Variants in CHRM2 observed in about 807,000 individuals in gnomAD.
The protein encoded by CHRM2 is muscarinic acetylcholine receptor M2.
In CHRM2, 8 loss-of-function variants were observed where a neutral mutation model predicts 25.0. The observed-to-expected ratio is 0.32, with a 90% CI of 0.19 to 0.58. The LOEUF is 0.58. Among genes scored for constraint, CHRM2 ranks in the 20% least tolerant of loss-of-function variants. CHRM2 has a pLI of 0.88. For synonymous variants in CHRM2, 202 were observed against 205.7 expected (o/e 0.98, Z 0.15); for missense variants, 440 against 567.1 (o/e 0.78, Z 2.28).
At chr7:136,981,716 T>C (rs1268127730) in intron 2 of CHRM2, among the ~76,000 whole-genome samples, 1 of 152,124 alleles carries the variant, frequency 6.6e-6, no homozygotes, top group Non-Finnish European at 1.5e-5. Context: ...CCCAGTAGTT[T>C]TTCAGGAGTA....
intron 2 of CHRM2, among the ~76,000 whole-genome samples, chr7:136,880,142 G>A (rs929772454): frequency 2.6e-5 from 4 of 151,204 alleles, no homozygotes; most frequent in East Asian, 1.9e-4. Flanking sequence ...TCTCTGGTCC[G>A]GTTTAATTCC....
intron 2 of CHRM2, among the ~76,000 whole-genome samples, chr7:136,912,202 A>T (rs1279107063): frequency 6.6e-6 from 1 of 151,904 alleles, no homozygotes; most frequent in African/African-American, 2.4e-5. Flanking sequence ...TTTGAGCAAG[A>T]TATGCTTAAA....
chr7:136,998,182 G>A (rs1182425438), intron 3 of CHRM2, among the ~76,000 whole-genome samples: 2 of 152,142 alleles, frequency 1.3e-5, no homozygotes, highest in Non-Finnish European at 2.9e-5. Flanking sequence ...TTTCAATATT[G>A]AGAGTGAAAT....
chr7:136,971,303 TC>T (rs1417704116), intron 2 of CHRM2, among the ~76,000 whole-genome samples: 3 of 152,152 alleles, frequency 2.0e-5, no homozygotes, highest in Non-Finnish European at 4.4e-5. Flanking sequence ...GTCTTTTAAC[TC>T]CATCCTACAA....
chr7:136,888,447 A>G (rs976280753), intron 2 of CHRM2, among the ~76,000 whole-genome samples: 1 of 152,182 alleles, frequency 6.6e-6, no homozygotes, highest in Non-Finnish European at 1.5e-5. Flanking sequence ...ATTCAGCGAG[A>G]AATATTTTAG....
intron 2 of CHRM2, among the ~76,000 whole-genome samples, chr7:136,886,548 C>G (rs1796472342): frequency 6.6e-6 from 1 of 152,148 alleles, no homozygotes; most frequent in Non-Finnish European, 1.5e-5. Context: ...ATTTAGGAAA[C>G]TTGATTTTAT....
chr7:136,907,862 CAGAGCAGGGG>C (rs1797638834), intron 2 of CHRM2: 1 of 151,932 alleles, frequency 6.6e-6, no homozygotes, highest in Admixed American at 6.6e-5. Context: ...CTCTCTGATC[CAGAGCAGGGG>C]ATATTCCGTC....
chr7:136,988,649 A>G (rs1803015192), intron 2 of CHRM2, among the ~76,000 whole-genome samples: 1 of 152,244 alleles, frequency 6.6e-6, no homozygotes, highest in South Asian at 2.1e-4. Flanking sequence ...AATAGAGTAG[A>G]CAAATAATAA....
chr7:136,892,993 T>G (rs1796753413), intron 2 of CHRM2, among the ~76,000 whole-genome samples: 1 of 152,146 alleles, frequency 6.6e-6, no homozygotes, highest in African/African-American at 2.4e-5. Context: ...TAAGAGTGCA[T>G]GTCTCTTCTT....
chr7:137,015,474 T>C lies in CHRM2; in HGVS notation c.609T>C (p.Thr203=). The change falls in exon 4 of 4, where the codon ACT becomes ACC. Residue 203 remains threonine, a synonymous_variant. Coordinates refer to ENST00000680005, the MANE Select transcript of CHRM2 (RefSeq NM_001006630.2). This position sits in a 1 kb window ranked among gnomAD's most constrained non-coding sequence, Gnocchi z 5.1. ...AAFYLPVIIM[T]VLYWHISRAS... ...TCTATTTGCCAGTGATCATCATGACTGTGCTATATTGGCACATATCCCGAG... is the reference window on the plus strand; with the variant it reads ...TCTATTTGCCAGTGATCATCATGACCGTGCTATATTGGCACATATCCCGAG... The C allele has an allele frequency of 6.2e-7, 1 of 1,613,358 alleles. No homozygotes were observed. Among genetic ancestry groups the C allele is most frequent in the South Asian group, 1.1e-5 (1 of 91,078 alleles).
chr7:136,938,742 G>A lies in CHRM2; in HGVS notation c.-124-53445G>A, dbSNP rs529625348. Among the ~76,000 whole-genome samples the A allele has an allele frequency of 3.9e-4, 59 of 152,060 alleles. No homozygotes were observed. The South Asian group carries it at 0.012, about 31-fold the overall frequency. ...CCTCCTGCGCTGCCCCAGAGCCTGG[G>A]AGGGAGGCCGCCATGCAGTGTAGCA... On this transcript the variant is annotated intron_variant, in intron 2 of 3. Transcript: ENST00000680005.
chr7:136,903,117 G>A (rs1349272655), intron 2 of CHRM2: 5 of 533,316 alleles, frequency 9.4e-6, no homozygotes, highest in African/African-American at 7.7e-5. Flanking sequence ...GTAGGTGTAG[G>A]TTTTTTATTC....
At chr7:136,978,644 C>G (rs900008875) in intron 2 of CHRM2, among the ~76,000 whole-genome samples, 2 of 152,100 alleles carry the variant, frequency 1.3e-5, no homozygotes, top group Non-Finnish European at 2.9e-5. Flanking sequence ...TGGTCCCCTC[C>G]CTGTGTCCAT....
intron 2 of CHRM2, among the ~76,000 whole-genome samples, chr7:136,919,122 T>G (rs749249869): frequency 3.3e-5 from 5 of 152,128 alleles, no homozygotes; most frequent in Non-Finnish European, 7.4e-5. Flanking sequence ...CATGTTATAA[T>G]ATTTTATCTT....
chr7:137,019,099 A>T lies in CHRM2; in HGVS notation c.*2833A>T, dbSNP rs909634408. 6.6e-6 allele frequency: 1 copy of T among 151,904 alleles called. No homozygotes were observed. 9.4% of individuals were successfully genotyped at this position (151,904 alleles called of 1,614,324 possible). A position where few individuals can be genotyped will look rare whatever the true frequency, so the allele number is the denominator to read the frequency against. On this transcript the variant is annotated 3_prime_UTR_variant, in exon 4 of 4. Transcript: ENST00000680005. ...TTTAAACAAATATTATTTGGCTCAA[A>T]ATGTCAATAGTTCCAAGATTGAGAA...
chr7:136,966,000 A>G (rs1429057782), intron 2 of CHRM2, among the ~76,000 whole-genome samples: 1 of 151,980 alleles, frequency 6.6e-6, no homozygotes, highest in African/African-American at 2.4e-5. Context: ...AATATGCTAT[A>G]ATATTAACCA....
chr7:136,929,626 G>A (rs1798946158), intron 2 of CHRM2, among the ~76,000 whole-genome samples: 1 of 152,086 alleles, frequency 6.6e-6, no homozygotes, highest in Non-Finnish European at 1.5e-5. Flanking sequence ...CCATAAAGTA[G>A]AAGGACTTAG....
intron 2 of CHRM2, among the ~76,000 whole-genome samples, chr7:136,939,238 G>A (rs1799621842): frequency 6.6e-6 from 1 of 152,146 alleles, no homozygotes; most frequent in Non-Finnish European, 1.5e-5. Context: ...GTTTTGATTT[G>A]GAAATAATTA....
At chr7:136,964,872 T>A (rs2130907287) in intron 2 of CHRM2, among the ~76,000 whole-genome samples, 1 of 152,312 alleles carries the variant, frequency 6.6e-6, no homozygotes, top group Admixed American at 6.5e-5. Context: ...CTGGTTGCCT[T>A]AAAAGTTATT....
Sources: allele counts gnomAD v4.1 joint callset (sites outside exome capture counted in the v4.1 genomes callset), GRCh38; gene constraint gnomAD v4.1.1; non-coding constraint Gnocchi (gnomAD v3.1); transcripts MANE v1.5; gene names NCBI Gene and HGNC (gene_info 2026-07-23, HGNC 2026-07-21).